SERINC5: variants seen among roughly 807,000 people sequenced by gnomAD.
SERINC5 encodes serine incorporator 5.
In SERINC5, 41 loss-of-function variants were observed where a neutral mutation model predicts 63.1. That is an observed-to-expected ratio of 0.65 (90% CI 0.51 to 0.84). SERINC5 has a LOEUF of 0.84. SERINC5 is among the 40% of genes least tolerant of loss of function. The probability of loss-of-function intolerance (pLI) is 0.00; values close to 1 mark genes in which losing one functional copy is unlikely to be tolerated. For synonymous variants in SERINC5, 222 were observed against 215.2 expected, an observed-to-expected ratio of 1.03 and a Z score of -0.28; for missense variants, 523 against 573.0, an observed-to-expected ratio of 0.91 and a Z score of 0.89.
chr5:80,173,718 C>A (rs1247779717), intron 5 of SERINC5, among the ~76,000 whole-genome samples: 1 of 152,132 alleles, frequency 6.6e-6, no homozygotes, highest in Non-Finnish European at 1.5e-5. Flanking sequence ...GAGGATCCAG[C>A]TCCTTGCTAC....
Position 80,169,374 on chromosome 5 carries a change from G to T in SERINC5, c.724C>A (p.Leu242Ile). ...GGTGAGATGGCTACCAATGATATAAGCAGGCACAGGCCTCCATTTACTCCC... is the reference window on the plus strand; with the variant it reads ...GGTGAGATGGCTACCAATGATATAATCAGGCACAGGCCTCCATTTACTCCC... ...LLGVNGGLCL[L>I]ISLVAISPWV... The change falls in exon 6 of 12, where the codon CTT becomes ATT. Residue 242 changes from leucine (L) to isoleucine (I), a missense_variant. By Grantham distance (5) the Leu-to-Ile change is conservative. Coordinates refer to ENST00000507668, the MANE Select transcript of SERINC5 (RefSeq NM_001174072.3). 1 of 1,613,980 alleles carries T rather than the reference G, an allele frequency of 6.2e-7. No individual in the cohort carries two copies. Among genetic ancestry groups the T allele is most frequent in the Non-Finnish European group, 8.5e-7 (1 of 1,179,862 alleles).
rs1003961410 is a variant in SERINC5 at position 80,139,711 on chromosome 5, T to C, written c.*3952A>G. The C allele has an allele frequency of 2.0e-6, 2 of 985,112 alleles. No homozygotes were observed. Among genetic ancestry groups the C allele is most frequent in the African/African-American group, 1.7e-5 (1 of 57,162 alleles). 61.0% of individuals were successfully genotyped at this position (985,112 alleles called of 1,614,324 possible). On this transcript the variant is annotated 3_prime_UTR_variant, in exon 12 of 12. Coordinates refer to ENST00000507668, the MANE Select transcript of SERINC5 (RefSeq NM_001174072.3). Reference sequence around the variant, plus strand: ...GCCTGAAATACAAAACTAAGTTAACTAGCAAGTTACAGGAAATAGCCTTCA... The same window carrying C: ...GCCTGAAATACAAAACTAAGTTAACCAGCAAGTTACAGGAAATAGCCTTCA...
chr5:80,173,609 AG>A (rs1240368319), intron 5 of SERINC5, among the ~76,000 whole-genome samples: 1 of 151,948 alleles, frequency 6.6e-6, no homozygotes, highest in Non-Finnish European at 1.5e-5. Flanking sequence ...AGAAAAGAAA[AG>A]AAAAGAAAAG....
chr5:80,211,761 T>C (rs990332005), intron 1 of SERINC5, among the ~76,000 whole-genome samples: 2 of 152,240 alleles, frequency 1.3e-5, no homozygotes, highest in Non-Finnish European at 2.9e-5. Flanking sequence ...GTCTACGTTC[T>C]GCATGGTAAC....
chr5:80,215,054 T>A lies in SERINC5; in HGVS notation c.28-12001A>T, dbSNP rs1054851501. On this transcript the variant is annotated intron_variant, in intron 1 of 11. Transcript: ENST00000507668. ...AGCAATTAAAAATAAAATAAAAAAA[T>A]TAAACAGCTATCGATATGGCTAGGA... Among the ~76,000 whole-genome samples, 7 of 152,150 alleles carry A rather than the reference T, an allele frequency of 4.6e-5. No homozygotes were observed. The East Asian group carries it at 9.6e-4, about 21-fold the overall frequency.
At chr5:80,169,607 A>G in intron 5 of SERINC5, 61 bp from the exon 6 acceptor site, 1 of 1,351,470 alleles carries the variant, frequency 7.4e-7, no homozygotes, top group Non-Finnish European at 1.0e-6. Flanking sequence ...GAAGCCCACC[A>G]TTCTGCGGTA....
intron 7 of SERINC5, 101 bp from the exon 8 acceptor site, chr5:80,159,063 T>G: frequency 8.5e-7 from 1 of 1,174,508 alleles, no homozygotes; most frequent in Non-Finnish European, 1.2e-6. Context: ...GTGGTGTACC[T>G]CCTTAGAACA....
At chr5:80,245,092 C>T in intron 1 of SERINC5, among the ~76,000 whole-genome samples, 1 of 152,202 alleles carries the variant, frequency 6.6e-6, no homozygotes, top group East Asian at 1.9e-4. Flanking sequence ...ACTTAATTTC[C>T]TTTATTTCCC....
chr5:80,158,942 TTTTCCCA>T lies in SERINC5; in HGVS notation c.873_879del (p.His291GlnfsTer21). ...AAGTCAGGCACACAGATTGTAACAT[TTTTCCCA>T]TGTTCATCTAGAACTTGAAAAGAAA... On this transcript the variant is annotated frameshift_variant, in exon 8 of 12. Coordinates refer to ENST00000507668, the MANE Select transcript of SERINC5 (RefSeq NM_001174072.3). LOFTEE classifies it high-confidence loss of function. The T allele has an allele frequency of 6.2e-7, 1 of 1,613,766 alleles. No homozygotes were observed. The highest frequency in any genetic ancestry group is 1.1e-5 in the South Asian group (1 of 91,076).
intron 1 of SERINC5, among the ~76,000 whole-genome samples, chr5:80,221,392 T>C (rs1226219515): frequency 6.6e-6 from 1 of 152,064 alleles, no homozygotes; most frequent in Admixed American, 6.6e-5. Flanking sequence ...CAAAAGCAAG[T>C]TTCCCGTGCG....
intron 1 of SERINC5, among the ~76,000 whole-genome samples, chr5:80,225,206 T>C (rs1751116393): frequency 1.3e-5 from 2 of 152,236 alleles, no homozygotes; most frequent in Non-Finnish European, 1.5e-5. Context: ...ACCTGTTATG[T>C]GCAACATATA....
In SERINC5 at chr5:80,143,287, GT is replaced by G. The variant is rs1457043815; in HGVS notation, c.*375del. ...CGCTGGGGACTCAAGATTTTGGCAT[GT>G]TTTTCTATTCCGAGGATGAGAATGA... is the stretch of plus-strand genomic sequence containing the variant. On this transcript the variant is annotated 3_prime_UTR_variant, in exon 12 of 12. Coordinates refer to ENST00000507668, the MANE Select transcript of SERINC5 (RefSeq NM_001174072.3). The G allele has an allele frequency of 9.9e-7, 1 of 1,006,720 alleles. No homozygotes were observed. The highest frequency in any genetic ancestry group is 1.2e-6 in the Non-Finnish European group (1 of 843,238). The allele number at this position is 1,006,720 out of a possible 1,614,324, so 62.4% of individuals were successfully genotyped here. A position where few individuals can be genotyped will look rare whatever the true frequency, so the allele number is the denominator to read the frequency against.
intron 2 of SERINC5, among the ~76,000 whole-genome samples, chr5:80,194,682 C>T (rs955670264): frequency 6.6e-6 from 1 of 152,106 alleles, no homozygotes; most frequent in African/African-American, 2.4e-5. Flanking sequence ...GCTGAGGGCC[C>T]CAGGCAGCGC....
At chr5:80,128,803 G>A (rs1248686674) in intron 11 of SERINC5, 1 of 152,136 alleles carries the variant, frequency 6.6e-6, no homozygotes, top group Non-Finnish European at 1.5e-5. Flanking sequence ...GATTAGAGTT[G>A]CAGACTGGAA....
intron 5 of SERINC5, 100 bp from the exon 6 acceptor site, chr5:80,169,646 A>ATGC: frequency 1.1e-6 from 1 of 871,536 alleles, no homozygotes; most frequent in Non-Finnish European, 1.8e-6. Flanking sequence ...GCAGTAACTA[A>ATGC]TGCTACAGGC....
chr5:80,137,736 G>A (rs1309162076), downstream of SERINC5, among the ~76,000 whole-genome samples: 1 of 150,920 alleles, frequency 6.6e-6, no homozygotes, highest in Non-Finnish European at 1.5e-5. Flanking sequence ...GAGGTCGGGA[G>A]TTTAAGACCA....
Position 80,140,727 on chromosome 5 carries a change from A to T in SERINC5, c.*2936T>A. ...GTATGACACTCCCATAAGAACCCCCACCCCCCTGCCACCCACTTAGTGTTT... is the reference window on the plus strand; with the variant it reads ...GTATGACACTCCCATAAGAACCCCCTCCCCCCTGCCACCCACTTAGTGTTT... On this transcript the variant is annotated 3_prime_UTR_variant, in exon 12 of 12. Coordinates refer to ENST00000507668, the MANE Select transcript of SERINC5 (RefSeq NM_001174072.3). The T allele has an allele frequency of 1.0e-6, 1 of 984,146 alleles. No individual in the cohort carries two copies. The highest frequency in any genetic ancestry group is 1.2e-6 in the Non-Finnish European group (1 of 829,612). 61.0% of individuals were successfully genotyped at this position (984,146 alleles called of 1,614,324 possible).
At chr5:80,237,504 T>G (rs1751750249) in intron 1 of SERINC5, among the ~76,000 whole-genome samples, 2 of 151,920 alleles carry the variant, frequency 1.3e-5, no homozygotes, top group South Asian at 4.2e-4. Flanking sequence ...CATCTAATGT[T>G]TGTATTTTTT....
At chr5:80,229,527 G>A (rs1035728861) in intron 1 of SERINC5, among the ~76,000 whole-genome samples, 1 of 152,062 alleles carries the variant, frequency 6.6e-6, no homozygotes, top group Non-Finnish European at 1.5e-5. Flanking sequence ...CACTAGGAAA[G>A]GGTAAAAGTA....
Sources: gnomAD v4.1 joint callset for allele counts (sites outside exome capture counted in the v4.1 genomes callset) on GRCh38, gnomAD v4.1.1 for gene constraint, MANE v1.5 for transcripts, NCBI Gene and HGNC (gene_info 2026-07-23, HGNC 2026-07-21) for gene names.